IL1RAPL1: variants seen among roughly 807,000 people sequenced by gnomAD.
IL1RAPL1 encodes interleukin-1 receptor accessory protein-like 1.
In IL1RAPL1, 3 loss-of-function variants were observed where a neutral mutation model predicts 48.4. The ratio of observed to expected loss-of-function variants is 0.06; its 90% CI spans 0.03 to 0.16. IL1RAPL1 has a LOEUF of 0.16. Ranked by LOEUF, IL1RAPL1 falls within the 10% of genes least tolerant of loss-of-function variation. The pLI is 1.00. For missense variants in IL1RAPL1, 349 were observed against 530.6 expected (o/e 0.66, Z 3.36); for synonymous variants, 185 against 187.7 (o/e 0.99, Z 0.12).
chrX:29,083,122 C>T (rs1298099522), intron 2 of IL1RAPL1, among the ~76,000 whole-genome samples: 1 of 111,560 alleles, frequency 9.0e-6, no homozygotes, highest in Non-Finnish European at 1.9e-5. Context: ...TCATGGAAAT[C>T]AGTGACAGGA....
chrX:29,005,141 A>G (rs1359281811), intron 2 of IL1RAPL1, among the ~76,000 whole-genome samples: 1 of 112,445 alleles, frequency 8.9e-6, no homozygotes, highest in Non-Finnish European at 1.9e-5. Context: ...GCATGCAGTT[A>G]AGAAACTTGG....
intron 5 of IL1RAPL1, among the ~76,000 whole-genome samples, chrX:29,625,360 A>T (rs999245440): frequency 3.6e-5 from 4 of 112,152 alleles, no homozygotes; most frequent in Non-Finnish European, 7.5e-5. Context: ...TTTGATTTAA[A>T]TATATTGATC....
At chrX:29,007,272 A>G (rs536425937) in intron 2 of IL1RAPL1, among the ~76,000 whole-genome samples, 3 of 112,032 alleles carry the variant, frequency 2.7e-5, no homozygotes, top group South Asian at 3.7e-4. Flanking sequence ...TAAAATGATT[A>G]GAGTCACATA....
intron 5 of IL1RAPL1, among the ~76,000 whole-genome samples, chrX:29,409,577 A>G (rs940070013): frequency 9.0e-6 from 1 of 111,202 alleles, no homozygotes; most frequent in African/African-American, 3.3e-5. Flanking sequence ...AATCAAATTA[A>G]CATTTATTGT....
In IL1RAPL1 at chrX:29,596,743, G is replaced by A. The variant is rs184088013; in HGVS notation, c.704-71687G>A. On this transcript the variant is annotated intron_variant, in intron 5 of 10. Coordinates refer to ENST00000378993, the MANE Select transcript of IL1RAPL1 (RefSeq NM_014271.4). ...TTATTTCTTTCTCTTGTCTGATTGCGCTGGCTGGGACTTCCAGTATTATGT... is the reference window on the plus strand; with the variant it reads ...TTATTTCTTTCTCTTGTCTGATTGCACTGGCTGGGACTTCCAGTATTATGT... Among the ~76,000 whole-genome samples, 36 of 111,812 alleles carry A rather than the reference G, an allele frequency of 3.2e-4. No individual in the cohort carries two copies. In the South Asian group the frequency reaches 4.5e-3, roughly 14 times the overall value.
At chrX:29,771,297 C>T (rs759180094) in intron 6 of IL1RAPL1, among the ~76,000 whole-genome samples, 3 of 111,985 alleles carry the variant, frequency 2.7e-5, no homozygotes, top group Non-Finnish European at 5.6e-5. Flanking sequence ...GTTGCCATGT[C>T]ACTTTAGATT....
chrX:29,031,320 A>G (rs1344887508), intron 2 of IL1RAPL1, among the ~76,000 whole-genome samples: 1 of 112,211 alleles, frequency 8.9e-6, no homozygotes, highest in South Asian at 3.6e-4. Context: ...AAATCAAGAA[A>G]TCTTTAAGCA....
At chrX:29,794,942 T>C (rs1188626929) in intron 6 of IL1RAPL1, among the ~76,000 whole-genome samples, 1 of 112,322 alleles carries the variant, frequency 8.9e-6, no homozygotes, top group Non-Finnish European at 1.9e-5. Context: ...TTGATAATGA[T>C]ACTTGAAATT....
chrX:29,846,821 C>CACAT (rs1491310306), intron 6 of IL1RAPL1, among the ~76,000 whole-genome samples: 16 of 90,085 alleles, frequency 1.8e-4, no homozygotes, highest in African/African-American at 6.1e-4. Context: ...CACACACACA[C>CACAT]GTATATATGT....
rs189867201 is a variant in IL1RAPL1, at chrX:29,699,251, G to T, written c.778+30747G>T. Among the ~76,000 whole-genome samples, 25 of 111,960 alleles carry T rather than the reference G, an allele frequency of 2.2e-4. No individual in the cohort carries two copies. The East Asian group carries it at 6.5e-3, about 29-fold the overall frequency. On this transcript the variant is annotated intron_variant, in intron 6 of 10. Coordinates refer to ENST00000378993, the MANE Select transcript of IL1RAPL1 (RefSeq NM_014271.4). ...ATTTTGTTTTAATGATTTCTGAACT[G>T]GTTTAGTAGTTTGTTTGTTTTTGTT...
chrX:29,237,870 A>C (rs1188627777), intron 2 of IL1RAPL1, among the ~76,000 whole-genome samples: 1 of 112,338 alleles, frequency 8.9e-6, no homozygotes, highest in African/African-American at 3.2e-5. Context: ...TGAAAGAAAA[A>C]ATAATCATGC....
intron 1 of IL1RAPL1, among the ~76,000 whole-genome samples, chrX:28,718,533 A>C (rs2146938492): frequency 8.9e-6 from 1 of 111,751 alleles, no homozygotes; most frequent in Admixed American, 9.6e-5. Context: ...ACACATCCAT[A>C]CATGAAACTT....
intron 2 of IL1RAPL1, among the ~76,000 whole-genome samples, chrX:29,122,527 A>G (rs1928817216): frequency 1.0e-5 from 1 of 97,057 alleles, no homozygotes; most frequent in Non-Finnish European, 2.0e-5. Context: ...CTATTTTTCC[A>G]TATCCCATCA....
intron 1 of IL1RAPL1, among the ~76,000 whole-genome samples, chrX:28,591,685 G>A (rs1569134568): frequency 9.0e-6 from 1 of 110,750 alleles, no homozygotes; most frequent in African/African-American, 3.3e-5. Flanking sequence ...TAGGTTTATC[G>A]GGAATCTCAA....
chrX:29,780,225 A>G (rs182789477), intron 6 of IL1RAPL1, among the ~76,000 whole-genome samples: 4 of 112,021 alleles, frequency 3.6e-5, no homozygotes, highest in Admixed American at 2.8e-4. Context: ...ACAAATTCTT[A>G]AAAGAAGATA....
intron 1 of IL1RAPL1, among the ~76,000 whole-genome samples, chrX:28,596,971 G>C (rs2146876355): frequency 9.0e-6 from 1 of 110,805 alleles, no homozygotes; most frequent in South Asian, 3.8e-4. Context: ...GAGGCTTGCT[G>C]AAGGAGGCAG....
intron 1 of IL1RAPL1, among the ~76,000 whole-genome samples, chrX:28,628,004 G>C (rs1246700496): frequency 1.8e-5 from 2 of 111,619 alleles, no homozygotes; most frequent in Admixed American, 9.6e-5. Context: ...GCCCGTCTGA[G>C]CAGTTCTTCT....
At chrX:28,934,034 A>C (rs1219482481) in intron 2 of IL1RAPL1, among the ~76,000 whole-genome samples, 1 of 110,917 alleles carries the variant, frequency 9.0e-6, no homozygotes, top group East Asian at 2.9e-4. Context: ...TCTTTACTCC[A>C]TCCTTTTCTG....
intron 2 of IL1RAPL1, among the ~76,000 whole-genome samples, chrX:28,801,098 T>C (rs1365374549): frequency 9.1e-6 from 1 of 109,791 alleles, no homozygotes; most frequent in Non-Finnish European, 1.9e-5. Flanking sequence ...GCCAGGGTGG[T>C]CTCGAACTCC....
Sources: gnomAD v4.1 joint callset for allele counts (sites outside exome capture counted in the v4.1 genomes callset) on GRCh38, gnomAD v4.1.1 for gene constraint, MANE v1.5 for transcripts, NCBI Gene and HGNC (gene_info 2026-07-23, HGNC 2026-07-21) for gene names.